The following COLEC12 variants were observed in gnomAD, a reference collection of about 807,000 sequenced individuals.
The protein encoded by COLEC12 is collectin-12.
COLEC12 carries 33 observed loss-of-function variants against 71.1 expected under a neutral mutation model. The observed-to-expected ratio is 0.46, with a 90% CI of 0.35 to 0.62. The LOEUF (loss-of-function observed/expected upper bound fraction) is 0.62. Ranked by LOEUF, COLEC12 falls within the 20% of genes least tolerant of loss-of-function variation. The pLI is 0.00. For synonymous variants in COLEC12, 350 were observed against 353.0 expected, an observed-to-expected ratio of 0.99 and a Z score of 0.10; for missense variants, 765 against 916.1, an observed-to-expected ratio of 0.84 and a Z score of 2.13.
At chr18:392,097 T>C (rs1250653833) in intron 2 of COLEC12, among the ~76,000 whole-genome samples, 1 of 152,196 alleles carries the variant, frequency 6.6e-6, no homozygotes, top group Admixed American at 6.5e-5. Context: ...AGACTGTGCC[T>C]GTCTCTCCGT....
intron 2 of COLEC12, among the ~76,000 whole-genome samples, chr18:383,658 C>T (rs1433043836): frequency 1.3e-5 from 2 of 152,194 alleles, no homozygotes; most frequent in South Asian, 2.1e-4. Flanking sequence ...TCTCCCCTAA[C>T]TGCCCCCTAC....
At chr18:328,003 T>G (rs943927709) in intron 8 of COLEC12, among the ~76,000 whole-genome samples, 1 of 152,174 alleles carries the variant, frequency 6.6e-6, no homozygotes, top group Non-Finnish European at 1.5e-5. Flanking sequence ...TCTTCCTTTT[T>G]TTTTCCTCGT....
intron 5 of COLEC12, among the ~76,000 whole-genome samples, chr18:341,169 ACT>A (rs1462897889): frequency 1.1e-4 from 17 of 151,646 alleles, no homozygotes; most frequent in Admixed American, 2.6e-4. Flanking sequence ...CTGTCAGTAA[ACT>A]CTCTGTCATT....
chr18:436,923 A>AT (rs1301715437), intron 2 of COLEC12, among the ~76,000 whole-genome samples: 1 of 152,176 alleles, frequency 6.6e-6, no homozygotes, highest in Non-Finnish European at 1.5e-5. Context: ...TAATTAATTG[A>AT]TTTTGCCATA....
rs991684778 is a variant in COLEC12, at chr18:321,694, T to C, written c.2177A>G (p.Asn726Ser). The change falls in exon 9 of 10, where the codon AAT (asparagine) becomes AGT (serine). Residue 726 changes from asparagine to serine, a missense_variant. Coordinates refer to ENST00000400256, the MANE Select transcript of COLEC12 (RefSeq NM_130386.3). Reference sequence around the variant, plus strand: ...CCTGTCTTTTTCGCAAATGAAGTTATTGACGTCTTCACATTGGAAATCGTT... The same window carrying C: ...CCTGTCTTTTTCGCAAATGAAGTTACTGACGTCTTCACATTGGAAATCGTT... Reference protein sequence around the residue: ...QWNDFQCEDVNNFICEKDRET... With the variant: ...QWNDFQCEDVSNFICEKDRET... 2 of 1,614,226 alleles carry C rather than the reference T, an allele frequency of 1.2e-6. No individual in the cohort carries two copies. Among genetic ancestry groups the C allele is most frequent in the Non-Finnish European group, 1.7e-6 (2 of 1,180,042 alleles).
intron 8 of COLEC12, among the ~76,000 whole-genome samples, chr18:322,780 G>A (rs1364996130): frequency 1.3e-5 from 2 of 152,120 alleles, no homozygotes; most frequent in African/African-American, 4.8e-5. Flanking sequence ...CGGGTCACCC[G>A]AGGAGACAGC....
rs1221735630 is a variant in COLEC12, at chr18:399,125, G to A, written c.59-41603C>T. ...TACTCTGTCAGCAGCTCAAGGAACT[G>A]TTTAAAAAGCAAAGGAACCAAAAAC... is the stretch of plus-strand genomic sequence containing the variant. On this transcript the variant is annotated intron_variant, in intron 2 of 9. Coordinates refer to ENST00000400256, the MANE Select transcript of COLEC12 (RefSeq NM_130386.3). The surrounding 1 kb of genome is among the most constrained non-coding windows in gnomAD (Gnocchi z 4.0). Among the ~76,000 whole-genome samples the A allele has an allele frequency of 6.6e-6, 1 of 152,206 alleles. No individual in the cohort carries two copies. Among genetic ancestry groups the A allele is most frequent in the African/African-American group, 2.4e-5 (1 of 41,454 alleles).
intron 2 of COLEC12, among the ~76,000 whole-genome samples, chr18:478,961 T>C (rs564760357): frequency 6.6e-6 from 1 of 152,340 alleles, no homozygotes; most frequent in African/African-American, 2.4e-5. Context: ...ATCCAACTGG[T>C]AATATGGCTG....
chr18:469,985 T>G (rs372247888), intron 2 of COLEC12, among the ~76,000 whole-genome samples: 2 of 152,340 alleles, frequency 1.3e-5, no homozygotes, highest in East Asian at 3.9e-4. Flanking sequence ...TCCATCTTTG[T>G]ACCACAGTTC....
intron 2 of COLEC12, among the ~76,000 whole-genome samples, chr18:467,227 C>T (rs778141964): frequency 7.2e-5 from 11 of 152,018 alleles, no homozygotes; most frequent in Non-Finnish European, 1.5e-4. Flanking sequence ...GAGAACTGAC[C>T]TCATGATTTC....
intron 2 of COLEC12, among the ~76,000 whole-genome samples, chr18:414,635 A>G (rs1915954664): frequency 6.6e-6 from 1 of 152,004 alleles, no homozygotes; most frequent in African/African-American, 2.4e-5. Flanking sequence ...AAAAAACAAA[A>G]CCGAACTCTT....
intron 2 of COLEC12, among the ~76,000 whole-genome samples, chr18:363,820 T>G (rs1393676368): frequency 2.6e-5 from 4 of 152,150 alleles, no homozygotes; most frequent in African/African-American, 7.2e-5. Context: ...TAAAAAAAAT[T>G]TTTTTTATTA....
chr18:378,330 C>T (rs543050415), intron 2 of COLEC12, among the ~76,000 whole-genome samples: 303 of 152,298 alleles, frequency 2.0e-3, no homozygotes, highest in Non-Finnish European at 3.6e-3. Context: ...GAATTAAACA[C>T]AAAAACCGTC....
chr18:416,863 C>T (rs1473697458), intron 2 of COLEC12, among the ~76,000 whole-genome samples: 4 of 1,856 alleles, frequency 2.2e-3, no homozygotes, highest in African/African-American at 0.013. Flanking sequence ...CAGGTGGGGG[C>T]GGTGGGGGGT....
chr18:464,990 A>G (rs1457549512), intron 2 of COLEC12, among the ~76,000 whole-genome samples: 1 of 152,244 alleles, frequency 6.6e-6, no homozygotes, highest in African/African-American at 2.4e-5. Context: ...CTCTACTTAC[A>G]GGAAGTTTCT....
Position 350,808 on chromosome 18 carries a change from A to T in COLEC12, c.182-2645T>A, listed in dbSNP as rs141309840. ...CCGGTTGTGGTGGTACACGCCTGTA[A>T]CCTCAGCTACTTAGGAGGCTGAGGC... On this transcript the variant is annotated intron_variant, in intron 3 of 9. Coordinates refer to ENST00000400256, the MANE Select transcript of COLEC12 (RefSeq NM_130386.3). 4.1e-3 allele frequency among the ~76,000 whole-genome samples: 616 copies of T among 152,020 alleles called. 4 individuals carry two copies. Among genetic ancestry groups the T allele is most frequent in the African/African-American group, 0.014 (576 of 41,462 alleles).
intron 2 of COLEC12, among the ~76,000 whole-genome samples, chr18:370,655 A>G (rs1349883124): frequency 2.6e-5 from 4 of 152,236 alleles, no homozygotes; most frequent in Non-Finnish European, 5.9e-5. Context: ...CTGTGGTAAG[A>G]GAGACCCTTC....
At position 335,121 on chromosome 18, in the gene COLEC12, G is replaced by A. The variant is rs1567875963; in HGVS notation, c.1437C>T (p.Gly479=). 1.2e-6 allele frequency: 2 copies of A among 1,612,694 alleles called. No individual in the cohort carries two copies. The highest frequency in any genetic ancestry group is 3.3e-5 in the Admixed American group (2 of 59,894). ...CAATTGGGCCTCTCTCACCCGCAGG[G>A]CCAGGTGGTCCAGGCTCCCCCTTCT... The part of the protein sequence containing the change: ...KGEKGEPGPP[G]PAGERGPIGP... The change falls in exon 6 of 10, where the codon GGC becomes GGT. Residue 479 remains glycine, a synonymous_variant. Transcript: ENST00000400256.
At chr18:391,022 T>C (rs769706585) in intron 2 of COLEC12, among the ~76,000 whole-genome samples, 9 of 152,178 alleles carry the variant, frequency 5.9e-5, no homozygotes, top group Non-Finnish European at 1.2e-4. Context: ...TCCGCTCTTT[T>C]TTTCTATTAC....
Sources: gnomAD v4.1 joint callset for allele counts (sites outside exome capture counted in the v4.1 genomes callset) on GRCh38, gnomAD v4.1.1 for gene constraint, Gnocchi (gnomAD v3.1) non-coding constraint, MANE v1.5 for transcripts, NCBI Gene and HGNC (gene_info 2026-07-23, HGNC 2026-07-21) for gene names.